Variants in ITPR1 observed in about 807,000 individuals in gnomAD.
The protein encoded by ITPR1 is inositol 1,4,5-trisphosphate receptor type 1, also known as inositol 1,4,5-trisphosphate-gated calcium channel ITPR1.
ITPR1 carries 96 observed loss-of-function variants against 318.4 expected under a neutral mutation model. The observed-to-expected ratio is 0.30, with a 90% confidence interval of 0.26 to 0.36. ITPR1 has a LOEUF of 0.36. Ranked by LOEUF, ITPR1 falls within the 10% of genes least tolerant of loss-of-function variation. The probability of loss-of-function intolerance (pLI) is 1.00; values close to 1 mark genes in which losing one functional copy is unlikely to be tolerated. For missense variants in ITPR1, 2,440 were observed against 3,460.2 expected (o/e 0.71, Z 7.40); for synonymous variants, 1,312 against 1,289.9 (o/e 1.02, Z -0.37).
At position 4,768,612 on chromosome 3, in the gene ITPR1, G is replaced by T; in HGVS notation, c.5827G>T (p.Asp1943Tyr). Residue 1943 changes from aspartate to tyrosine, a missense_variant, in exon 46 of 62, where the codon GAT becomes TAT. Physicochemically the swap from Asp to Tyr is radical, Grantham distance 160. Coordinates refer to ENST00000649015, the MANE Select transcript of ITPR1 (RefSeq NM_001378452.1). ...CTTCACCACTTTCAGGAGGGAGGCT[G>T]ATCCCGACGACCACTACCAGCCTGG... The part of the protein sequence containing the change: ...KAFTTFRREA[D>Y]PDDHYQPGEG... 1 of 1,614,020 alleles carries T rather than the reference G, an allele frequency of 6.2e-7. No individual in the cohort carries two copies. The highest frequency in any genetic ancestry group is 8.5e-7 in the Non-Finnish European group (1 of 1,179,884).
chr3:4,564,239 C>T (rs868780189), intron 4 of ITPR1, among the ~76,000 whole-genome samples: 1 of 152,284 alleles, frequency 6.6e-6, no homozygotes, highest in South Asian at 2.1e-4. Context: ...CCGCACCCGG[C>T]CGGGATTGGT....
At chr3:4,814,641 G>A in intron 58 of ITPR1, 79 bp downstream of exon 58, 1 of 1,313,240 alleles carries the variant, frequency 7.6e-7, no homozygotes, top group South Asian at 1.3e-5. Flanking sequence ...GCGGTGTTGA[G>A]TGTAAACTGA....
At chr3:4,633,874 G>A (rs1344400845) in intron 5 of ITPR1, among the ~76,000 whole-genome samples, 1 of 152,218 alleles carries the variant, frequency 6.6e-6, no homozygotes, top group African/African-American at 2.4e-5. Context: ...GTACTACATT[G>A]CTTGTTTTTA....
At chr3:4,777,204 C>A in intron 47 of ITPR1, 60 bp from the exon 48 acceptor site, 1 of 968,736 alleles carries the variant, frequency 1.0e-6, no homozygotes, top group Non-Finnish European at 1.6e-6. Flanking sequence ...AGCCTGTTGG[C>A]CTTTGACGTC....
At chr3:4,788,849 CTT>C (rs1012261342) in intron 52 of ITPR1, among the ~76,000 whole-genome samples, 1 of 152,144 alleles carries the variant, frequency 6.6e-6, no homozygotes, top group African/African-American at 2.4e-5. Flanking sequence ...AGGAGCCAGA[CTT>C]TTTTATTTGA....
At position 4,846,497 on chromosome 3, in the gene ITPR1, G is replaced by C. The variant is rs2051789457; in HGVS notation, c.*272G>C. 1 of 279,792 alleles carries C rather than the reference G, an allele frequency of 3.6e-6. No homozygotes were observed. Among genetic ancestry groups the C allele is most frequent in the Admixed American group, 5.2e-5 (1 of 19,416 alleles). The allele number at this position is 279,792 out of a possible 1,614,324, so 17.3% of individuals were successfully genotyped here. A position where few individuals can be genotyped will look rare whatever the true frequency, so the allele number is the denominator to read the frequency against. On this transcript the variant is annotated 3_prime_UTR_variant, in exon 62 of 62. Coordinates refer to ENST00000649015, the MANE Select transcript of ITPR1 (RefSeq NM_001378452.1). ...AACAGAAAGCACCTGATTTGCACTT[G>C]AACCAGATTATAGATTTAAAAGTAT... is the stretch of plus-strand genomic sequence containing the variant.
intron 4 of ITPR1, among the ~76,000 whole-genome samples, chr3:4,613,915 T>C (rs1413625044): frequency 1.3e-5 from 2 of 152,170 alleles, no homozygotes; most frequent in Admixed American, 1.3e-4. Flanking sequence ...TTGAGATAGA[T>C]AACATTTCCA....
At chr3:4,653,703 C>T in intron 11 of ITPR1, 139 bp from the exon 12 acceptor site, 1 of 618,164 alleles carries the variant, frequency 1.6e-6, no homozygotes. Flanking sequence ...TCGTGGCATG[C>T]TGGTTTTGTG....
intron 4 of ITPR1, among the ~76,000 whole-genome samples, chr3:4,586,047 G>A (rs1048840628): frequency 2.0e-5 from 3 of 151,366 alleles, no homozygotes; most frequent in Non-Finnish European, 4.4e-5. Flanking sequence ...GTGATAGTTT[G>A]CTGAGAATGA....
At chr3:4,646,172 T>C (rs2093451834) in intron 10 of ITPR1, among the ~76,000 whole-genome samples, 1 of 152,200 alleles carries the variant, frequency 6.6e-6, no homozygotes, top group Admixed American at 6.5e-5. Context: ...GATGCCCACA[T>C]TGGTGATGGG....
intron 35 of ITPR1, among the ~76,000 whole-genome samples, chr3:4,700,718 G>C (rs899504676): frequency 1.3e-5 from 2 of 152,170 alleles, no homozygotes; most frequent in African/African-American, 4.8e-5. Context: ...ACCTGTATTA[G>C]TGCATTTTCA....
At chr3:4,554,735 T>C (rs191283133) in intron 4 of ITPR1, among the ~76,000 whole-genome samples, 146 of 152,210 alleles carry the variant, frequency 9.6e-4, no homozygotes, top group African/African-American at 3.4e-3. Context: ...GTCTCACTGG[T>C]CATTGGGTGG....
chr3:4,524,359 C>T (rs2124935423), intron 4 of ITPR1, among the ~76,000 whole-genome samples: 1 of 121,588 alleles, frequency 8.2e-6, no homozygotes, highest in African/African-American at 3.1e-5. Context: ...CTTTTGGAAG[C>T]AATTGCTGCG....
rs77884829 is a variant in ITPR1 at position 4,767,157 on chromosome 3, T to C, written c.5725+447T>C. On this transcript the variant is annotated intron_variant, in intron 45 of 61. Transcript: ENST00000649015. ...TGGGCAGTGGGTAGACCCACAAGTG[T>C]TGGAGTCAGATGGTCTTGAGAAAGT... Among the ~76,000 whole-genome samples, 751 of 152,372 alleles carry C rather than the reference T, an allele frequency of 4.9e-3. 5 individuals are homozygous for C. Among genetic ancestry groups the C allele is most frequent in the African/African-American group, 0.017 (697 of 41,588 alleles).
intron 4 of ITPR1, among the ~76,000 whole-genome samples, chr3:4,541,974 G>A (rs986365481): frequency 1.3e-5 from 2 of 151,972 alleles, no homozygotes; most frequent in Admixed American, 1.3e-4. Context: ...TGCTCCATAG[G>A]CTGGACTCTA....
chr3:4,803,739 A>T (rs2048383543), intron 54 of ITPR1, among the ~76,000 whole-genome samples: 1 of 152,194 alleles, frequency 6.6e-6, no homozygotes, highest in African/African-American at 2.4e-5. Context: ...TCTGATAATC[A>T]TTCCACAGTT....
At chr3:4,536,762 A>T (rs986116378) in intron 4 of ITPR1, among the ~76,000 whole-genome samples, 1 of 152,236 alleles carries the variant, frequency 6.6e-6, no homozygotes, top group Non-Finnish European at 1.5e-5. Flanking sequence ...CATGCATTTT[A>T]AATTACTTCT....
chr3:4,762,198 C>A (rs1367028890), intron 44 of ITPR1, among the ~76,000 whole-genome samples: 1 of 152,192 alleles, frequency 6.6e-6, no homozygotes, highest in Admixed American at 6.5e-5. Flanking sequence ...AGACAGAAGT[C>A]TCACTATGTT....
intron 32 of ITPR1, among the ~76,000 whole-genome samples, chr3:4,692,161 A>G (rs546499227): frequency 1.8e-3 from 273 of 151,706 alleles, no homozygotes; most frequent in African/African-American, 5.9e-3. Flanking sequence ...AAATAAAAAA[A>G]AGAGAGAGTC....
Sources: allele counts gnomAD v4.1 joint callset (sites outside exome capture counted in the v4.1 genomes callset), GRCh38; gene constraint gnomAD v4.1.1; transcripts MANE v1.5; gene names NCBI Gene and HGNC (gene_info 2026-07-23, HGNC 2026-07-21).